The following INPP4B variants were observed in gnomAD, a reference collection of about 807,000 sequenced individuals.
INPP4B encodes inositol polyphosphate 4-phosphatase type II.
A neutral mutation model predicts 122.5 loss-of-function variants in INPP4B; 55 were observed. That is an observed-to-expected ratio of 0.45 (90% confidence interval 0.36 to 0.56). The LOEUF (loss-of-function observed/expected upper bound fraction) is 0.56. INPP4B is among the 20% of genes least tolerant of loss of function. The probability of loss-of-function intolerance (pLI) is 0.00; values close to 1 mark genes in which losing one functional copy is unlikely to be tolerated. For synonymous variants in INPP4B, 403 were observed against 388.7 expected, an observed-to-expected ratio of 1.04 and a Z score of -0.43; for missense variants, 1,000 against 1,097.7, an observed-to-expected ratio of 0.91 and a Z score of 1.26.
chr4:142,816,483 G>A (rs1780130361), intron 1 of INPP4B, among the ~76,000 whole-genome samples: 1 of 151,746 alleles, frequency 6.6e-6, no homozygotes, highest in Non-Finnish European at 1.5e-5. Context: ...GATCTTAAAG[G>A]ATCTTCTCTT....
Position 142,689,440 on chromosome 4 carries a change from A to AT in INPP4B, c.-191+36398dup, listed in dbSNP as rs902788407. ...AATGAATATTTATGAAATAAATGAC[A>AT]TTTTTTGAAATTGCAATCTGTTACT... On this transcript the variant is annotated intron_variant, in intron 2 of 25. Coordinates refer to ENST00000262992, the MANE Select transcript of INPP4B (RefSeq NM_001101669.3). Among the ~76,000 whole-genome samples the AT allele has an allele frequency of 1.2e-3, 179 of 152,308 alleles. No homozygotes were observed. In the Middle Eastern group the frequency reaches 0.02, roughly 17 times the overall value.
chr4:142,203,845 A>G (rs962860530), intron 14 of INPP4B, among the ~76,000 whole-genome samples: 12 of 142,946 alleles, frequency 8.4e-5, no homozygotes, highest in African/African-American at 3.6e-4. Flanking sequence ...GTAAAGATGA[A>G]AAAAAAAATT....
At chr4:142,387,179 T>C (rs1579921469) in intron 7 of INPP4B, among the ~76,000 whole-genome samples, 1 of 152,122 alleles carries the variant, frequency 6.6e-6, no homozygotes, top group African/African-American at 2.4e-5. Context: ...ATGGTAATAT[T>C]GCAGTGGTTG....
chr4:142,062,501 T>C (rs28482997), intron 25 of INPP4B, among the ~76,000 whole-genome samples: 3,885 of 152,228 alleles, frequency 0.026, 184 homozygotes, highest in African/African-American at 0.089. Flanking sequence ...TTTGGGAGGC[T>C]GAGGCGGGTG....
intron 7 of INPP4B, among the ~76,000 whole-genome samples, chr4:142,396,372 A>G (rs890528426): frequency 3.9e-5 from 6 of 152,154 alleles, no homozygotes; most frequent in African/African-American, 7.2e-5. Flanking sequence ...CGTGCTCAAC[A>G]TAATTAGTCA....
intron 7 of INPP4B, among the ~76,000 whole-genome samples, chr4:142,365,391 A>G (rs1497398): frequency 0.3 from 45,376 of 152,064 alleles, 8,417 homozygotes; most frequent in South Asian, 0.46. Flanking sequence ...GAAGAATATT[A>G]TTTGTGCTTC....
intron 1 of INPP4B, among the ~76,000 whole-genome samples, chr4:142,817,642 C>T (rs558834407): frequency 6.6e-6 from 1 of 152,228 alleles, no homozygotes; most frequent in South Asian, 2.1e-4. Context: ...CATGCCAGCC[C>T]ACATAAACCA....
chr4:142,153,283 A>G (rs1815335091), intron 17 of INPP4B, among the ~76,000 whole-genome samples: 1 of 152,182 alleles, frequency 6.6e-6, no homozygotes, highest in African/African-American at 2.4e-5. Context: ...ATTCTTTTTA[A>G]TTGTATGAAC....
At position 142,043,598 on chromosome 4, in the gene INPP4B, C is replaced by G. The variant is rs1004572147; in HGVS notation, c.2643-14684G>C. 2.0e-5 allele frequency among the ~76,000 whole-genome samples: 3 copies of G among 149,894 alleles called. No individual in the cohort carries two copies. In the Admixed American group the frequency reaches 2.0e-4, roughly 10 times the overall value. On this transcript the variant is annotated intron_variant, in intron 25 of 25. Coordinates refer to ENST00000262992, the MANE Select transcript of INPP4B (RefSeq NM_001101669.3). ...GGCAGATGTATTTGGGAATGATTCA[C>G]AGCTAGCTTTGGTCATAATGATGAG...
At chr4:142,723,699 G>GC (rs1764982888) in intron 2 of INPP4B, among the ~76,000 whole-genome samples, 1 of 152,046 alleles carries the variant, frequency 6.6e-6, no homozygotes, top group Non-Finnish European at 1.5e-5. Flanking sequence ...TGTATACTAA[G>GC]AAAAGCTGAA....
chr4:142,026,576 C>T lies in INPP4B; in HGVS notation c.*2206G>A, dbSNP rs994035301. 1 of 152,496 alleles carries T rather than the reference C, an allele frequency of 6.6e-6. No homozygotes were observed. The highest frequency in any genetic ancestry group is 1.5e-5 in the Non-Finnish European group (1 of 68,274). The allele number at this position is 152,496 out of a possible 1,614,324, so 9.4% of individuals were successfully genotyped here. On this transcript the variant is annotated 3_prime_UTR_variant, in exon 26 of 26. Transcript: ENST00000262992. The stretch of plus-strand genomic sequence containing the variant: ...CCGCCTCCGGGGTTCAAGCGATTCT[C>T]TTGCCTCAGCCTCCCAAGTAGCTGG...
intron 2 of INPP4B, among the ~76,000 whole-genome samples, chr4:142,555,713 A>C (rs950230033): frequency 2.7e-5 from 4 of 150,842 alleles, no homozygotes; most frequent in Admixed American, 2.6e-4. Context: ...CTAAAAATAC[A>C]AAAAAAAATT....
chr4:142,158,847 G>A (rs970837923), intron 17 of INPP4B, among the ~76,000 whole-genome samples: 2 of 151,230 alleles, frequency 1.3e-5, no homozygotes, highest in Admixed American at 1.3e-4. Context: ...AAATGAGGGG[G>A]AAAAATTCCA....
chr4:142,687,462 C>T (rs1040223053), intron 2 of INPP4B, among the ~76,000 whole-genome samples: 1 of 138,932 alleles, frequency 7.2e-6, no homozygotes, highest in African/African-American at 2.7e-5. Flanking sequence ...AGCTGGGAAA[C>T]AAATTTGGCT....
chr4:142,687,591 G>A (rs1036583032), intron 2 of INPP4B, among the ~76,000 whole-genome samples: 9 of 147,316 alleles, frequency 6.1e-5, no homozygotes, highest in Admixed American at 5.4e-4. Context: ...AATCCTTGAA[G>A]GAAAAACGGA....
At chr4:142,291,173 T>C (rs899847880) in intron 9 of INPP4B, among the ~76,000 whole-genome samples, 1 of 152,186 alleles carries the variant, frequency 6.6e-6, no homozygotes, top group South Asian at 2.1e-4. Context: ...TTTCCTTATA[T>C]AATTCATTAA....
chr4:142,051,195 C>T (rs990599637), intron 25 of INPP4B, among the ~76,000 whole-genome samples: 8 of 151,988 alleles, frequency 5.3e-5, no homozygotes, highest in Non-Finnish European at 8.8e-5. Flanking sequence ...AACATTAATC[C>T]TCAAAAAGAT....
chr4:142,252,035 T>C (rs1489613258), intron 11 of INPP4B, among the ~76,000 whole-genome samples: 8 of 152,256 alleles, frequency 5.3e-5, no homozygotes, highest in African/African-American at 1.7e-4. Context: ...ATTTAAATTC[T>C]GGACCCACTG....
In INPP4B at chr4:142,558,965, AGT is replaced by A. The variant is rs1729869302; in HGVS notation, c.-190-96241_-190-96240del. Among the ~76,000 whole-genome samples the A allele has an allele frequency of 2.6e-5, 4 of 152,106 alleles. No homozygotes were observed. In the South Asian group the frequency reaches 8.3e-4, roughly 32 times the overall value. ...CTTCTGTCTCAGCTCATTAACTAGA[AGT>A]AGACACAGAGTCCCACCCATCTGTT... On this transcript the variant is annotated intron_variant, in intron 2 of 25. Coordinates refer to ENST00000262992, the MANE Select transcript of INPP4B (RefSeq NM_001101669.3).
Sources: gnomAD v4.1 joint callset for allele counts (sites outside exome capture counted in the v4.1 genomes callset) on GRCh38, gnomAD v4.1.1 for gene constraint, MANE v1.5 for transcripts, NCBI Gene and HGNC (gene_info 2026-07-23, HGNC 2026-07-21) for gene names.